The following MTUS2 variants were observed in gnomAD, a reference collection of about 807,000 sequenced individuals.
The protein encoded by MTUS2 is microtubule-associated tumor suppressor candidate 2.
A neutral mutation model predicts 114.1 loss-of-function variants in MTUS2; 40 were observed. That is an observed-to-expected ratio of 0.35 (90% CI 0.27 to 0.46). The LOEUF is 0.46. MTUS2 is among the 20% of genes least tolerant of loss of function. MTUS2 has a pLI of 1.00. For missense variants in MTUS2, 1,679 were observed against 1,705.4 expected (o/e 0.98, Z 0.27); for synonymous variants, 688 against 672.0 (o/e 1.02, Z -0.37).
intron 2 of MTUS2, among the ~76,000 whole-genome samples, chr13:28,884,703 A>G (rs1378111646): frequency 1.3e-5 from 2 of 152,192 alleles, no homozygotes; most frequent in Non-Finnish European, 2.9e-5. Context: ...CTGGTTTGAT[A>G]TTTTACTGTA....
At chr13:28,914,488 T>A (rs1446547347) in intron 2 of MTUS2, among the ~76,000 whole-genome samples, 1 of 152,024 alleles carries the variant, frequency 6.6e-6, no homozygotes, top group East Asian at 1.9e-4. Context: ...TTTTCCATTT[T>A]CTGAGGAGTG....
Position 28,926,640 on chromosome 13 carries a change from T to C in MTUS2, c.-243+86790T>C, listed in dbSNP as rs1363568244. ...AACTCTGATTTCTTTTTCAAACTTA[T>C]TTATTAAAAATAAACGTACAGGCTT... is the stretch of plus-strand genomic sequence containing the variant. On this transcript the variant is annotated intron_variant, in intron 2 of 15. Transcript: ENST00000612955. Among the ~76,000 whole-genome samples the C allele has an allele frequency of 2.0e-5, 3 of 152,358 alleles. 1 individual carries two copies. Among genetic ancestry groups the C allele is most frequent in the African/African-American group, 7.2e-5 (3 of 41,602 alleles).
intron 5 of MTUS2, among the ~76,000 whole-genome samples, chr13:29,226,380 A>G (rs919498931): frequency 6.6e-6 from 1 of 152,182 alleles, no homozygotes; most frequent in Non-Finnish European, 1.5e-5. Context: ...ACAGCATTTG[A>G]CTTAAAATAT....
chr13:29,370,622 A>G (rs1312465877), intron 8 of MTUS2, among the ~76,000 whole-genome samples: 1 of 152,110 alleles, frequency 6.6e-6, no homozygotes, highest in Non-Finnish European at 1.5e-5. Context: ...TCTGCCATGG[A>G]ATAAGCTACA....
intron 8 of MTUS2, among the ~76,000 whole-genome samples, chr13:29,416,876 T>G (rs1875708170): frequency 6.6e-6 from 1 of 152,138 alleles, no homozygotes; most frequent in African/African-American, 2.4e-5. Flanking sequence ...TTCTAACAGG[T>G]TTAATAAGTC....
chr13:29,165,269 C>T (rs1029258303), intron 5 of MTUS2, among the ~76,000 whole-genome samples: 10 of 152,290 alleles, frequency 6.6e-5, no homozygotes, highest in Middle Eastern at 3.4e-3. Context: ...TCACAGATCT[C>T]GGCTAAAGCA....
At chr13:28,987,020 T>G (rs544761016) in intron 2 of MTUS2, among the ~76,000 whole-genome samples, 1 of 152,096 alleles carries the variant, frequency 6.6e-6, no homozygotes, top group South Asian at 2.1e-4. Flanking sequence ...TGTTTTGGAG[T>G]GGGAATTATT....
intron 7 of MTUS2, among the ~76,000 whole-genome samples, chr13:29,341,982 G>T (rs1901423274): frequency 6.6e-6 from 1 of 151,898 alleles, no homozygotes; most frequent in Non-Finnish European, 1.5e-5. Flanking sequence ...TTATTTCTCG[G>T]TTCTATATTC....
At chr13:28,871,866 C>T (rs1029792502) in intron 2 of MTUS2, among the ~76,000 whole-genome samples, 10 of 151,920 alleles carry the variant, frequency 6.6e-5, no homozygotes, top group African/African-American at 2.4e-4. Context: ...GAGGAGTGGC[C>T]CAGGTAGACA....
intron 2 of MTUS2, among the ~76,000 whole-genome samples, chr13:28,977,506 TA>T (rs565013871): frequency 4.9e-4 from 74 of 152,344 alleles, no homozygotes; most frequent in Middle Eastern, 3.4e-3. Context: ...AAACTTTCTG[TA>T]ATATAACCTA....
At chr13:28,987,594 G>T (rs779136726) in intron 2 of MTUS2, among the ~76,000 whole-genome samples, 3 of 152,110 alleles carry the variant, frequency 2.0e-5, no homozygotes, top group Admixed American at 6.5e-5. Flanking sequence ...GCAACTTTGG[G>T]GTGGGGGCCG....
intron 2 of MTUS2, among the ~76,000 whole-genome samples, chr13:28,872,795 T>G (rs1404593572): frequency 6.6e-6 from 1 of 152,206 alleles, no homozygotes; most frequent in Non-Finnish European, 1.5e-5. Flanking sequence ...GGATCACATT[T>G]CGACATGAGG....
intron 9 of MTUS2, among the ~76,000 whole-genome samples, chr13:29,442,393 G>A (rs901923839): frequency 6.6e-6 from 1 of 152,182 alleles, no homozygotes; most frequent in Non-Finnish European, 1.5e-5. Context: ...ATATATTTTT[G>A]TTTTATTCTT....
chr13:28,999,376 C>A (rs1210718733), intron 2 of MTUS2, among the ~76,000 whole-genome samples: 1 of 152,194 alleles, frequency 6.6e-6, no homozygotes, highest in Non-Finnish European at 1.5e-5. Flanking sequence ...ATTCTCAGAT[C>A]TCAAGTTAAG....
intron 6 of MTUS2, chr13:29,307,517 G>T (rs1899530991): frequency 8.7e-6 from 11 of 1,257,826 alleles, no homozygotes; most frequent in African/African-American, 1.5e-5. Flanking sequence ...GATCTGACCT[G>T]CTGTCTTGAA....
At chr13:29,330,331 A>G (rs1260727261) in intron 7 of MTUS2, among the ~76,000 whole-genome samples, 2 of 152,202 alleles carry the variant, frequency 1.3e-5, no homozygotes, top group Non-Finnish European at 2.9e-5. Flanking sequence ...GATTCTTGAT[A>G]TTAGCCTTCT....
In MTUS2 at chr13:29,497,290, G is replaced by A. The variant is rs370672492; in HGVS notation, c.3632G>A (p.Arg1211His). The change falls in exon 13 of 16, where the codon CGC becomes CAC. Residue 1211 changes from arginine (R) to histidine (H), a missense_variant. By Grantham distance (29) the Arg-to-His change is conservative. Around this residue, in one of 3 missense-constraint regions of MTUS2, gnomAD observed 822 missense variants for 899.7 expected, o/e 0.91. Transcript: ENST00000612955. The part of the protein sequence containing the change: ...FQSQSLRDRA[R>H]RFEEALRKNT... ...AGCCAGTCTCTGCGGGACAGAGCCC[G>A]CCGCTTCGAAGAGGCCTTGAGGAAG... 9.9e-5 allele frequency: 160 copies of A among 1,612,038 alleles called. No homozygotes were observed. Among genetic ancestry groups the A allele is most frequent in the Non-Finnish European group, 1.2e-4 (146 of 1,179,948 alleles).
At position 29,428,748 on chromosome 13, in the gene MTUS2, G is replaced by A; in HGVS notation, c.3118-11235G>A. 6 of 1,588,622 alleles carry A rather than the reference G, an allele frequency of 3.8e-6. No individual in the cohort carries two copies. The African/African-American group carries it at 5.4e-5, about 14-fold the overall frequency. Reference sequence around the variant, plus strand: ...CATGGAAGTTGTGACAGCTCCCAGCGGCGCGCCCCTTTCGTGTGTGCCGGT... The same window carrying A: ...CATGGAAGTTGTGACAGCTCCCAGCAGCGCGCCCCTTTCGTGTGTGCCGGT... On this transcript the variant is annotated intron_variant, in intron 8 of 15. Transcript: ENST00000612955.
intron 4 of MTUS2, among the ~76,000 whole-genome samples, chr13:29,071,651 C>T (rs529982185): frequency 1.3e-5 from 2 of 151,978 alleles, no homozygotes; most frequent in East Asian, 1.9e-4. Flanking sequence ...TGGTCTCGAA[C>T]TCCTGACTTC....
Sources: gnomAD v4.1 joint callset for allele counts (sites outside exome capture counted in the v4.1 genomes callset) on GRCh38, gnomAD v4.1.1 for gene constraint, gnomAD v4.1.1 regional missense constraint, MANE v1.5 for transcripts, NCBI Gene and HGNC (gene_info 2026-07-23, HGNC 2026-07-21) for gene names.